Variants in SLCO2A1 observed in about 807,000 individuals in gnomAD.
The protein encoded by SLCO2A1 is solute carrier organic anion transporter family member 2A1.
In SLCO2A1, 60 loss-of-function variants were observed where a neutral mutation model predicts 71.7. That is an observed-to-expected ratio of 0.84 (90% CI 0.68 to 1.04). The LOEUF (loss-of-function observed/expected upper bound fraction) is 1.04. SLCO2A1 is among the 50% of genes least tolerant of loss of function. SLCO2A1 has a pLI of 0.00. For synonymous variants in SLCO2A1, 308 were observed against 326.7 expected, an observed-to-expected ratio of 0.94 and a Z score of 0.62; for missense variants, 745 against 813.4, an observed-to-expected ratio of 0.92 and a Z score of 1.02.
chr3:133,949,659 G>A (rs1933684222), intron 6 of SLCO2A1, among the ~76,000 whole-genome samples: 1 of 152,166 alleles, frequency 6.6e-6, no homozygotes, highest in Admixed American at 6.5e-5. Flanking sequence ...CATTCACTGA[G>A]TGCTTACTCC....
In SLCO2A1 at chr3:133,951,220, G is replaced by A. The variant is rs369443925; in HGVS notation, c.849C>T (p.Pro283=). ...FPFFFFPRAM[P]IGAKRAPATA... is the part of the protein sequence containing the mutation. ...CTTGGAACCTTACCTTTGCTCCTAT[G>A]GGCATTGCTCGAGGGAAGAAAAAAA... is the stretch of plus-strand genomic sequence containing the variant. The change falls in exon 6 of 14, where the codon CCC becomes CCT. Residue 283 remains proline (P), a synonymous_variant. Coordinates refer to ENST00000310926, the MANE Select transcript of SLCO2A1 (RefSeq NM_005630.3). 6.8e-6 allele frequency: 11 copies of A among 1,613,908 alleles called. No homozygotes were observed. Among genetic ancestry groups the A allele is most frequent in the Admixed American group, 1.7e-5 (1 of 60,000 alleles).
At chr3:133,939,640 A>C (rs1933364565) in intron 11 of SLCO2A1, among the ~76,000 whole-genome samples, 2 of 152,164 alleles carry the variant, frequency 1.3e-5, no homozygotes, top group South Asian at 4.1e-4. Context: ...CCACAATGCA[A>C]AGTGTCTCAA....
chr3:133,959,222 G>A (rs1455781196), intron 3 of SLCO2A1, among the ~76,000 whole-genome samples: 1 of 152,156 alleles, frequency 6.6e-6, no homozygotes, highest in Non-Finnish European at 1.5e-5. Flanking sequence ...GGCTGTGGGT[G>A]GGCACTCTGC....
intron 6 of SLCO2A1, among the ~76,000 whole-genome samples, chr3:133,950,044 A>C (rs575764767): frequency 1.9e-4 from 29 of 152,200 alleles, no homozygotes; most frequent in African/African-American, 7.0e-4. Context: ...TATGTTGCCC[A>C]GGGTGGTCTT....
rs1199965843 is a variant in SLCO2A1 at position 133,948,518 on chromosome 3, A to C, written c.1105+18T>G. The C allele has an allele frequency of 6.2e-7, 1 of 1,608,546 alleles. No homozygotes were observed. Among genetic ancestry groups the C allele is most frequent in the Non-Finnish European group, 8.5e-7 (1 of 1,177,226 alleles). Reference sequence around the variant, plus strand: ...CCCAGGCAAGCCCTGCGGATCCTGCAGCACCCTCTGGGCTCACCAATGAGG... The same window carrying C: ...CCCAGGCAAGCCCTGCGGATCCTGCCGCACCCTCTGGGCTCACCAATGAGG... On this transcript the variant is annotated intron_variant, in intron 8 of 13. Transcript: ENST00000310926.
intron 1 of SLCO2A1, among the ~76,000 whole-genome samples, chr3:134,006,766 T>A (rs946639637): frequency 6.6e-6 from 1 of 152,260 alleles, no homozygotes; most frequent in Non-Finnish European, 1.5e-5. Flanking sequence ...CTATCGTGAA[T>A]GGTGCTGCTA....
chr3:133,985,755 A>G (rs553046803), intron 1 of SLCO2A1, among the ~76,000 whole-genome samples: 1 of 152,380 alleles, frequency 6.6e-6, no homozygotes, highest in African/African-American at 2.4e-5. Flanking sequence ...TCTTTGTCAA[A>G]TGAACAATAT....
chr3:133,961,951 G>A (rs1382272625), intron 3 of SLCO2A1, among the ~76,000 whole-genome samples: 1 of 152,228 alleles, frequency 6.6e-6, no homozygotes, highest in Non-Finnish European at 1.5e-5. Flanking sequence ...TGCGGGGACA[G>A]GTGTTTATGT....
intron 1 of SLCO2A1, among the ~76,000 whole-genome samples, chr3:134,005,456 G>C (rs911375561): frequency 6.6e-6 from 1 of 150,500 alleles, no homozygotes; most frequent in East Asian, 1.9e-4. Flanking sequence ...TTGAAATAAT[G>C]AGTAGTCCAT....
chr3:134,029,540 G>A (rs1265533430), intron 1 of SLCO2A1, among the ~76,000 whole-genome samples, 167 bp downstream of exon 1: 3 of 151,158 alleles, frequency 2.0e-5, no homozygotes, highest in African/African-American at 7.3e-5. Context: ...ACACACACTC[G>A]CACACACACG....
intron 2 of SLCO2A1, among the ~76,000 whole-genome samples, chr3:133,977,146 AATACTCAGAC>A (rs1934479351): frequency 6.6e-6 from 1 of 152,112 alleles, no homozygotes; most frequent in Admixed American, 6.6e-5. Context: ...GTTGCACACA[AATACTCAGAC>A]ATACACAGAC....
intron 11 of SLCO2A1, among the ~76,000 whole-genome samples, chr3:133,940,015 T>A (rs113954475): frequency 6.8e-6 from 1 of 147,514 alleles, no homozygotes; most frequent in African/African-American, 2.5e-5. Context: ...TCACCCAGGC[T>A]GGAGTGCAGT....
intron 6 of SLCO2A1, 157 bp downstream of exon 6, chr3:133,951,051 T>G: frequency 1.1e-6 from 1 of 952,248 alleles, no homozygotes; most frequent in South Asian, 1.3e-5. Flanking sequence ...CACCCTCACC[T>G]CTTAAAGCCT....
chr3:134,021,277 A>T (rs1281310411), intron 1 of SLCO2A1, among the ~76,000 whole-genome samples: 5 of 152,192 alleles, frequency 3.3e-5, no homozygotes, highest in African/African-American at 1.2e-4. Context: ...ATGTTGAAAA[A>T]TTTCAAAAAA....
intron 1 of SLCO2A1, among the ~76,000 whole-genome samples, chr3:133,980,718 C>T (rs1383503698): frequency 1.3e-5 from 2 of 152,256 alleles, no homozygotes; most frequent in South Asian, 2.1e-4. Context: ...TCTATAGGTG[C>T]CCTTGTTCCA....
chr3:133,942,828 T>G, intron 10 of SLCO2A1, 60 bp from the exon 11 acceptor site: 1 of 1,505,398 alleles, frequency 6.6e-7, no homozygotes, highest in Non-Finnish European at 9.0e-7. Flanking sequence ...TTTCACACAC[T>G]TCAGACGTCT....
chr3:133,973,531 A>T, intron 3 of SLCO2A1, 132 bp downstream of exon 3: 1 of 944,146 alleles, frequency 1.1e-6, no homozygotes, highest in Non-Finnish European at 1.6e-6. Context: ...AGCTCTACAT[A>T]CTTCAGTATA....
chr3:134,026,770 A>G (rs890317459), intron 1 of SLCO2A1, among the ~76,000 whole-genome samples: 1 of 152,232 alleles, frequency 6.6e-6, no homozygotes, highest in African/African-American at 2.4e-5. Context: ...CAGCTGAAGG[A>G]GAGGTCTGTA....
intron 4 of SLCO2A1, 139 bp downstream of exon 4, chr3:133,954,827 C>T (rs998002653): frequency 7.7e-6 from 5 of 648,060 alleles, no homozygotes; most frequent in African/African-American, 3.7e-5. Context: ...CCAAGTCTGT[C>T]GGATCCCCAG....
Sources: allele counts gnomAD v4.1 joint callset (sites outside exome capture counted in the v4.1 genomes callset), GRCh38; gene constraint gnomAD v4.1.1; transcripts MANE v1.5; gene names NCBI Gene and HGNC (gene_info 2026-07-23, HGNC 2026-07-21).